The following TAB2 variants were observed in gnomAD, a reference collection of about 807,000 sequenced individuals.
TAB2 encodes TGF-beta activated kinase 1 (MAP3K7) binding protein 2.
TAB2 carries 3 observed loss-of-function variants against 65.0 expected under a neutral mutation model. The observed-to-expected ratio is 0.05, with a 90% CI of 0.02 to 0.12. The LOEUF (loss-of-function observed/expected upper bound fraction) is 0.12. Ranked by LOEUF, TAB2 falls within the 10% of genes least tolerant of loss-of-function variation. The pLI is 1.00. For missense variants in TAB2, 623 were observed against 840.3 expected, an observed-to-expected ratio of 0.74 and a Z score of 3.20; for synonymous variants, 298 against 285.1, an observed-to-expected ratio of 1.05 and a Z score of -0.46.
intron 1 of TAB2, among the ~76,000 whole-genome samples, chr6:149,248,872 G>A (rs577227005): frequency 6.6e-5 from 10 of 151,888 alleles, no homozygotes; most frequent in Non-Finnish European, 1.3e-4. Context: ...CCCCACCCCC[G>A]GCCACAGTCA....
intron 1 of TAB2, among the ~76,000 whole-genome samples, chr6:149,232,592 G>T (rs1777426016): frequency 6.6e-6 from 1 of 152,124 alleles, no homozygotes; most frequent in African/African-American, 2.4e-5. Context: ...GCAGGAACAA[G>T]GCCGATGACA....
In TAB2 at chr6:149,410,525, TTAAAA is replaced by T. The variant is rs543992611; in HGVS notation, c.*812_*816del. ...AGCCTTACCTGAGAGGAACAATGCC[TTAAAA>T]TAAAAAAGCATTAATGAGATGAAAG... On this transcript the variant is annotated 3_prime_UTR_variant, in exon 7 of 7. Transcript: ENST00000637181. The T allele has an allele frequency of 8.7e-4, 133 of 152,778 alleles. No individual in the cohort carries two copies. Among genetic ancestry groups the T allele is most frequent in the African/African-American group, 3.0e-3 (125 of 41,582 alleles). The allele number at this position is 152,778 out of a possible 1,614,324, so 9.5% of individuals were successfully genotyped here.
intron 1 of TAB2, among the ~76,000 whole-genome samples, chr6:149,241,366 C>A (rs1298680088): frequency 6.6e-6 from 1 of 152,126 alleles, no homozygotes; most frequent in Admixed American, 6.5e-5. Context: ...TGCCTATACT[C>A]TTTTAATCAA....
intron 1 of TAB2, chr6:149,304,208 T>A (rs1012065096): frequency 2.0e-5 from 3 of 152,410 alleles, no homozygotes; most frequent in African/African-American, 7.2e-5. Context: ...CTCCTTGTGA[T>A]CCCAGTCCTG....
chr6:149,247,364 G>C (rs1027348802), intron 1 of TAB2: 7 of 152,180 alleles, frequency 4.6e-5, no homozygotes, highest in Non-Finnish European at 1.0e-4. Context: ...CCACTCTCTG[G>C]GGTAGACACC....
chr6:149,405,230 T>G (rs1197704786), intron 6 of TAB2, among the ~76,000 whole-genome samples: 1 of 152,200 alleles, frequency 6.6e-6, no homozygotes, highest in East Asian at 1.9e-4. Context: ...CTTACAAACT[T>G]ATTGGAATGG....
intron 1 of TAB2, among the ~76,000 whole-genome samples, chr6:149,320,749 T>C (rs780626897): frequency 4.6e-4 from 70 of 152,348 alleles, no homozygotes; most frequent in Non-Finnish European, 3.4e-4. Flanking sequence ...TGCCTTGTTA[T>C]AGATATTTTG....
intron 1 of TAB2, among the ~76,000 whole-genome samples, chr6:149,289,282 T>C (rs1583066878): frequency 1.3e-5 from 2 of 151,848 alleles, no homozygotes; most frequent in African/African-American, 4.8e-5. Flanking sequence ...AATCCCAGCA[T>C]TTTGGGAGGC....
chr6:149,296,824 A>C (rs921458401), intron 1 of TAB2, among the ~76,000 whole-genome samples: 2 of 152,246 alleles, frequency 1.3e-5, no homozygotes. Context: ...TCACCTGACT[A>C]TTAAGTAATT....
At chr6:149,246,380 C>A (rs1274174662) in intron 1 of TAB2, 2 of 152,222 alleles carry the variant, frequency 1.3e-5, no homozygotes, top group Non-Finnish European at 2.9e-5. Flanking sequence ...CTGCATGAAA[C>A]AATTTCCAGA....
At chr6:149,312,972 C>T (rs571094438), upstream of TAB2, among the ~76,000 whole-genome samples, 1 of 151,782 alleles carries the variant, frequency 6.6e-6, no homozygotes, top group Admixed American at 6.6e-5. Context: ...ATTTTGTATC[C>T]GTTATCTCAT....
intron 1 of TAB2, among the ~76,000 whole-genome samples, chr6:149,331,035 G>C (rs529925449): frequency 5.9e-5 from 9 of 152,192 alleles, no homozygotes; most frequent in African/African-American, 2.2e-4. Flanking sequence ...TATATAGTAA[G>C]TCTTAAAATT....
At chr6:149,227,473 C>A (rs938633805) in intron 1 of TAB2, among the ~76,000 whole-genome samples, 2 of 152,012 alleles carry the variant, frequency 1.3e-5, no homozygotes, top group African/African-American at 4.8e-5. Context: ...CATGTTACCA[C>A]CAACAAGCAG....
At chr6:149,220,423 C>G (rs1037379970) in intron 1 of TAB2, among the ~76,000 whole-genome samples, 2 of 152,182 alleles carry the variant, frequency 1.3e-5, no homozygotes, top group Admixed American at 6.5e-5. Context: ...TGAATACACA[C>G]ACGATTACGG....
intron 2 of TAB2, among the ~76,000 whole-genome samples, chr6:149,377,366 C>T (rs567717198): frequency 3.3e-5 from 5 of 151,746 alleles, no homozygotes; most frequent in African/African-American, 1.2e-4. Context: ...TTTTTTTCCC[C>T]CCCGCCACTC....
intron 1 of TAB2, among the ~76,000 whole-genome samples, chr6:149,336,764 AAAGTGT>A (rs1779946340): frequency 6.6e-6 from 1 of 152,140 alleles, no homozygotes; most frequent in African/African-American, 2.4e-5. Context: ...CAAAGAAAGG[AAAGTGT>A]GGGTTGAACA....
At chr6:149,268,559 T>C (rs1271178960) in intron 1 of TAB2, among the ~76,000 whole-genome samples, 1 of 152,220 alleles carries the variant, frequency 6.6e-6, no homozygotes, top group African/African-American at 2.4e-5. Flanking sequence ...GATCCTTGCA[T>C]TGGATAAATT....
intron 1 of TAB2, among the ~76,000 whole-genome samples, chr6:149,293,970 C>CT (rs1337403771): frequency 8.6e-5 from 13 of 151,678 alleles, no homozygotes; most frequent in African/African-American, 3.1e-4. Context: ...GTTATTTTCC[C>CT]TGAAAAAAAA....
intron 1 of TAB2, among the ~76,000 whole-genome samples, chr6:149,357,889 C>T (rs958922051): frequency 1.7e-4 from 26 of 151,996 alleles, no homozygotes; most frequent in African/African-American, 5.3e-4. Flanking sequence ...TTAGTAGAGA[C>T]GAGATTTCAC....
Sources: allele counts gnomAD v4.1 joint callset (sites outside exome capture counted in the v4.1 genomes callset), GRCh38; gene constraint gnomAD v4.1.1; transcripts MANE v1.5; gene names NCBI Gene and HGNC (gene_info 2026-07-23, HGNC 2026-07-21).